The following SNX29 variants were observed in gnomAD, a reference collection of about 807,000 sequenced individuals.
SNX29 encodes sorting nexin 29.
In SNX29, 78 loss-of-function variants were observed where a neutral mutation model predicts 102.1. That is an observed-to-expected ratio of 0.76 (90% confidence interval 0.64 to 0.92). The LOEUF (loss-of-function observed/expected upper bound fraction) is 0.92. SNX29 is among the 40% of genes least tolerant of loss of function. SNX29 has a pLI of 0.00. For synonymous variants in SNX29, 580 were observed against 414.5 expected, an observed-to-expected ratio of 1.40 and a Z score of -4.85; for missense variants, 1,280 against 1,061.7, an observed-to-expected ratio of 1.21 and a Z score of -2.86.
At chr16:12,314,069 T>C (rs2080652387) in intron 15 of SNX29, among the ~76,000 whole-genome samples, 1 of 152,260 alleles carries the variant, frequency 6.6e-6, no homozygotes, top group South Asian at 2.1e-4. Context: ...CACTGCAGCC[T>C]CCAACTGTTG....
At chr16:12,565,705 CTGG>C (rs2078973447) in intron 20 of SNX29, among the ~76,000 whole-genome samples, 1 of 152,230 alleles carries the variant, frequency 6.6e-6, no homozygotes, top group African/African-American at 2.4e-5. Flanking sequence ...GGGGAAGCAG[CTGG>C]GCCGGGTCTG....
intron 11 of SNX29, among the ~76,000 whole-genome samples, chr16:12,109,087 C>T (rs1355324227): frequency 1.6e-5 from 2 of 122,490 alleles, no homozygotes; most frequent in Non-Finnish European, 3.1e-5. Flanking sequence ...CAGATCATGC[C>T]ATTGCACTCC....
chr16:12,093,361 A>C (rs1252665733), intron 11 of SNX29, among the ~76,000 whole-genome samples: 1 of 152,184 alleles, frequency 6.6e-6, no homozygotes, highest in Non-Finnish European at 1.5e-5. Flanking sequence ...TGTAATCCCA[A>C]CACTTTGGGA....
chr16:12,008,005 G>A (rs530450289), intron 3 of SNX29, among the ~76,000 whole-genome samples: 1 of 152,154 alleles, frequency 6.6e-6, no homozygotes, highest in South Asian at 2.1e-4. Flanking sequence ...GTGCAGTGGC[G>A]CTATCTCGGC....
intron 13 of SNX29, among the ~76,000 whole-genome samples, chr16:12,143,092 G>A (rs2054923985): frequency 6.6e-6 from 1 of 151,794 alleles, no homozygotes; most frequent in Non-Finnish European, 1.5e-5. Flanking sequence ...CTGCCTCCTG[G>A]GTGCAAGCGA....
intron 19 of SNX29, among the ~76,000 whole-genome samples, chr16:12,492,143 C>A (rs932598784): frequency 3.1e-4 from 47 of 152,332 alleles, no homozygotes; most frequent in African/African-American, 1.1e-3. Context: ...TACAGTCCCA[C>A]CAACAGTGTA....
At chr16:12,274,453 C>G (rs2079184005) in intron 14 of SNX29, among the ~76,000 whole-genome samples, 1 of 152,032 alleles carries the variant, frequency 6.6e-6, no homozygotes, top group Non-Finnish European at 1.5e-5. Context: ...TGAATTATAT[C>G]TTTGATTTCC....
intron 20 of SNX29, chr16:12,545,478 C>T (rs1051950242): frequency 6.6e-6 from 1 of 152,254 alleles, no homozygotes; most frequent in African/African-American, 2.4e-5. Flanking sequence ...CAGTGACTCT[C>T]CTCCTGCAAC....
intron 18 of SNX29, among the ~76,000 whole-genome samples, chr16:12,473,026 A>G (rs953998224): frequency 2.6e-5 from 4 of 152,118 alleles, no homozygotes; most frequent in Admixed American, 6.5e-5. Context: ...TTATCCCTCC[A>G]AGGAATTATT....
chr16:12,277,978 A>T lies in SNX29; in HGVS notation c.1724A>T (p.Gln575Leu). The part of the protein sequence containing the change: ...SVDGEVTVAE[Q>L]KPGEIAEELA... ...GATGGAGAAGTTACAGTAGCTGAAC[A>T]GAAGCCGGGAGAAATTGCTGAAGAA... is the stretch of plus-strand genomic sequence containing the variant. Residue 575 changes from glutamine (Q) to leucine (L), a missense_variant, in exon 15 of 21, where the codon CAG becomes CTG. Physicochemically the swap from Gln to Leu is moderately radical, Grantham distance 113. Transcript: ENST00000566228. The T allele has an allele frequency of 6.2e-7, 1 of 1,609,434 alleles. No homozygotes were observed. Among genetic ancestry groups the T allele is most frequent in the Non-Finnish European group, 8.5e-7 (1 of 1,177,826 alleles).
intron 13 of SNX29, among the ~76,000 whole-genome samples, chr16:12,195,078 C>T (rs1244349029): frequency 6.6e-6 from 1 of 152,082 alleles, no homozygotes; most frequent in Non-Finnish European, 1.5e-5. Context: ...CAAATATATC[C>T]ATGTAAATAG....
At chr16:11,992,823 G>A (rs139796266) in intron 1 of SNX29, among the ~76,000 whole-genome samples, 41 of 152,216 alleles carry the variant, frequency 2.7e-4, no homozygotes, top group African/African-American at 9.4e-4. Context: ...CTAGCATGAC[G>A]TCACCTCCAC....
chr16:12,254,835 C>T (rs1466747409), intron 14 of SNX29, among the ~76,000 whole-genome samples: 1 of 152,118 alleles, frequency 6.6e-6, no homozygotes, highest in East Asian at 1.9e-4. Context: ...TTGTCAAGAC[C>T]TAGCCAGTGG....
At chr16:12,165,856 A>T (rs1478180459) in intron 13 of SNX29, among the ~76,000 whole-genome samples, 3 of 152,044 alleles carry the variant, frequency 2.0e-5, no homozygotes, top group Non-Finnish European at 4.4e-5. Context: ...GAGCCACCAC[A>T]CCCGGCCAGA....
At chr16:12,461,204 G>A (rs541683565) in intron 18 of SNX29, among the ~76,000 whole-genome samples, 11 of 152,216 alleles carry the variant, frequency 7.2e-5, no homozygotes, top group African/African-American at 2.6e-4. Flanking sequence ...CATAACCACT[G>A]CTCCAAACTA....
chr16:12,420,410 T>C (rs547622453), intron 18 of SNX29, among the ~76,000 whole-genome samples: 29 of 152,274 alleles, frequency 1.9e-4, no homozygotes, highest in African/African-American at 5.8e-4. Flanking sequence ...TCAGGGTGTT[T>C]CATCTTCTCT....
chr16:12,210,621 C>T (rs990048218), intron 14 of SNX29, among the ~76,000 whole-genome samples: 1 of 152,112 alleles, frequency 6.6e-6, no homozygotes, highest in African/African-American at 2.4e-5. Flanking sequence ...CGAGCTTCCA[C>T]CACCTTTCTG....
At chr16:12,191,344 T>C (rs2141902723) in intron 13 of SNX29, among the ~76,000 whole-genome samples, 1 of 152,178 alleles carries the variant, frequency 6.6e-6, no homozygotes, top group Non-Finnish European at 1.5e-5. Context: ...CAGTTTTCAC[T>C]CTGGAGTTGC....
rs1278233890 is a variant in SNX29 at position 12,569,099 on chromosome 16, T to TA, written c.*472dup. The TA allele has an allele frequency of 9.7e-5, 13 of 134,516 alleles. No individual in the cohort carries two copies. The East Asian group carries it at 1.3e-3, about 14-fold the overall frequency. The allele number at this position is 134,516 out of a possible 1,614,324, so 8.3% of individuals were successfully genotyped here. On this transcript the variant is annotated 3_prime_UTR_variant, in exon 21 of 21. Transcript: ENST00000566228. ...TGCTTTTTAAGGTTATTACCTGGCC[T>TA]AACCTAGGGATGGCTGGCTTTGCGG... is the stretch of plus-strand genomic sequence containing the variant.
Sources: gnomAD v4.1 joint callset for allele counts (sites outside exome capture counted in the v4.1 genomes callset) on GRCh38, gnomAD v4.1.1 for gene constraint, MANE v1.5 for transcripts, NCBI Gene and HGNC (gene_info 2026-07-23, HGNC 2026-07-21) for gene names.